The following TMTC2 variants were observed in gnomAD, a reference collection of about 807,000 sequenced individuals.
The protein encoded by TMTC2 is protein O-mannosyl-transferase TMTC2.
In TMTC2, 43 loss-of-function variants were observed where a neutral mutation model predicts 82.4. The ratio of observed to expected loss-of-function variants is 0.52; its 90% CI spans 0.41 to 0.67. TMTC2 has a LOEUF of 0.67. Among genes scored for constraint, TMTC2 ranks in the 30% least tolerant of loss-of-function variants. The pLI is 0.00. For missense variants in TMTC2, 919 were observed against 1,012.4 expected (o/e 0.91, Z 1.25); for synonymous variants, 408 against 381.9 (o/e 1.07, Z -0.80).
At chr12:82,876,985 C>G (rs901768632) in intron 2 of TMTC2, among the ~76,000 whole-genome samples, 1 of 152,054 alleles carries the variant, frequency 6.6e-6, no homozygotes, top group Non-Finnish European at 1.5e-5. Flanking sequence ...AGAATGCTTT[C>G]CTTCTCTCCA....
chr12:82,730,440 CA>C (rs1160533062), intron 1 of TMTC2, among the ~76,000 whole-genome samples: 12 of 151,038 alleles, frequency 7.9e-5, no homozygotes, highest in Non-Finnish European at 3.0e-5. Context: ...GACTTGAGTT[CA>C]AGCTTTGCTA....
chr12:82,697,374 G>T (rs1204712954), intron 1 of TMTC2, among the ~76,000 whole-genome samples: 4 of 151,098 alleles, frequency 2.6e-5, no homozygotes, highest in African/African-American at 9.7e-5. Context: ...AACAATGCAG[G>T]TTTTGCATTA....
chr12:83,086,835 C>CT (rs899135323), intron 11 of TMTC2, among the ~76,000 whole-genome samples: 3 of 152,124 alleles, frequency 2.0e-5, no homozygotes, highest in African/African-American at 7.2e-5. Flanking sequence ...TAGTAGTAAT[C>CT]TTTTTTTGCT....
At chr12:82,936,016 C>G (rs1211513419) in intron 4 of TMTC2, among the ~76,000 whole-genome samples, 5 of 151,542 alleles carry the variant, frequency 3.3e-5, no homozygotes, top group Admixed American at 3.3e-4. Flanking sequence ...TAACGTAGGG[C>G]AAAATAAAAA....
intron 1 of TMTC2, among the ~76,000 whole-genome samples, chr12:82,845,253 AT>A (rs1178785015): frequency 8.6e-3 from 266 of 30,832 alleles, no homozygotes; most frequent in African/African-American, 0.018. Flanking sequence ...AAAAAAAAAA[AT>A]ATATATATAT....
At chr12:82,965,473 T>C in intron 5 of TMTC2, 87 bp from the exon 6 acceptor site, 1 of 1,471,076 alleles carries the variant, frequency 6.8e-7, no homozygotes, top group South Asian at 1.2e-5. Flanking sequence ...CACTAAACCA[T>C]AGAAACCAAA....
At chr12:82,989,588 GA>G (rs1021017007) in intron 8 of TMTC2, among the ~76,000 whole-genome samples, 2 of 149,270 alleles carry the variant, frequency 1.3e-5, no homozygotes, top group African/African-American at 4.9e-5. Context: ...AGTTAGAAAA[GA>G]AAAAAAAATT....
intron 8 of TMTC2, among the ~76,000 whole-genome samples, chr12:83,004,925 G>C (rs1880103750): frequency 6.6e-6 from 1 of 151,062 alleles, no homozygotes; most frequent in African/African-American, 2.4e-5. Context: ...GCTGAGGAGG[G>C]CGGATCACTT....
chr12:82,772,964 C>G (rs776499540), intron 1 of TMTC2, among the ~76,000 whole-genome samples: 1 of 152,134 alleles, frequency 6.6e-6, no homozygotes, highest in African/African-American at 2.4e-5. Context: ...TGTCTTTCTA[C>G]TTCCTTATTT....
At chr12:82,724,506 T>G (rs535158337) in intron 1 of TMTC2, among the ~76,000 whole-genome samples, 2 of 152,304 alleles carry the variant, frequency 1.3e-5, no homozygotes, top group East Asian at 1.9e-4. Context: ...CCCTGCGCTC[T>G]CTCTCTCCTA....
chr12:82,885,660 T>A (rs1873062341), intron 2 of TMTC2, among the ~76,000 whole-genome samples: 1 of 152,156 alleles, frequency 6.6e-6, no homozygotes, highest in Non-Finnish European at 1.5e-5. Context: ...TGTGAGCCAT[T>A]GCTCCTGGCT....
intron 11 of TMTC2, among the ~76,000 whole-genome samples, chr12:83,065,728 G>GA (rs1234092767): frequency 6.6e-6 from 1 of 151,770 alleles, no homozygotes; most frequent in East Asian, 1.9e-4. Flanking sequence ...TAATGGGCAT[G>GA]AAAAAATGCT....
intron 9 of TMTC2, among the ~76,000 whole-genome samples, chr12:83,038,848 T>C (rs2137435966): frequency 6.6e-6 from 1 of 152,194 alleles, no homozygotes; most frequent in Admixed American, 6.5e-5. Context: ...ATGTTTTCTA[T>C]TTTAAATTTT....
intron 1 of TMTC2, among the ~76,000 whole-genome samples, chr12:82,848,706 C>T (rs1233302420): frequency 6.6e-6 from 1 of 152,114 alleles, no homozygotes; most frequent in Admixed American, 6.5e-5. Flanking sequence ...TCAAAGCATA[C>T]ATTTCTTCCC....
At chr12:83,025,400 A>G (rs1178496812) in intron 8 of TMTC2, among the ~76,000 whole-genome samples, 1 of 150,160 alleles carries the variant, frequency 6.7e-6, no homozygotes. Context: ...ATATATATTT[A>G]CATATAAATG....
intron 1 of TMTC2, chr12:82,760,079 T>C (rs1418282387): frequency 1.3e-5 from 2 of 152,216 alleles, no homozygotes; most frequent in Non-Finnish European, 2.9e-5. Context: ...TTATTCAAGT[T>C]ATACTATCAC....
chr12:83,112,776 A>T (rs1468631587), intron 11 of TMTC2, among the ~76,000 whole-genome samples: 1 of 152,168 alleles, frequency 6.6e-6, no homozygotes, highest in African/African-American at 2.4e-5. Flanking sequence ...GGCAGAGATG[A>T]CATGTGGCCA....
intron 8 of TMTC2, 114 bp from the exon 9 acceptor site, chr12:83,030,684 T>C: frequency 1.3e-6 from 1 of 796,214 alleles, no homozygotes; most frequent in African/African-American, 1.7e-5. Context: ...AAATTTTTTT[T>C]TTCCTTTCCT....
intron 9 of TMTC2, 36 bp downstream of exon 9, chr12:83,030,915 C>CA (rs761826091): frequency 1.4e-6 from 2 of 1,452,434 alleles, no homozygotes; most frequent in Admixed American, 3.3e-5. Flanking sequence ...ATGTCCCCCA[C>CA]ATTTACTATT....
Sources: gnomAD v4.1 joint callset for allele counts (sites outside exome capture counted in the v4.1 genomes callset) on GRCh38, gnomAD v4.1.1 for gene constraint, MANE v1.5 for transcripts, NCBI Gene and HGNC (gene_info 2026-07-23, HGNC 2026-07-21) for gene names.